The following SLC24A2 variants were observed in gnomAD, a reference collection of about 807,000 sequenced individuals.
SLC24A2 encodes sodium/potassium/calcium exchanger 2.
Under a neutral mutation model 62.0 loss-of-function variants are expected in SLC24A2, and 36 were observed. The ratio of observed to expected loss-of-function variants is 0.58; its 90% CI spans 0.44 to 0.77. SLC24A2 has a LOEUF of 0.77. Ranked by LOEUF, SLC24A2 falls within the 30% of genes least tolerant of loss-of-function variation. The probability of loss-of-function intolerance (pLI) is 0.00; values close to 1 mark genes in which losing one functional copy is unlikely to be tolerated. For missense variants in SLC24A2, 846 were observed against 817.9 expected, an observed-to-expected ratio of 1.03 and a Z score of -0.42; for synonymous variants, 358 against 294.0, an observed-to-expected ratio of 1.22 and a Z score of -2.23.
chr9:20,202,024 T>C, the SLC24A2 span, among the ~76,000 whole-genome samples: 1 of 151,956 alleles, frequency 6.6e-6, no homozygotes, highest in Middle Eastern at 3.4e-3. Flanking sequence ...CCAGAATCTT[T>C]TTCTAGCCAG....
At chr9:19,815,200 A>G in the SLC24A2 span, among the ~76,000 whole-genome samples, 2 of 152,176 alleles carry the variant, frequency 1.3e-5, no homozygotes, top group African/African-American at 4.8e-5. Context: ...ATTCAATTTT[A>G]TGGGAATAAT....
the SLC24A2 span, among the ~76,000 whole-genome samples, chr9:20,000,755 C>G: frequency 6.6e-6 from 1 of 152,098 alleles, no homozygotes; most frequent in African/African-American, 2.4e-5. Flanking sequence ...AGCATAAAGA[C>G]AGGAAATATA....
At chr9:19,560,741 A>C (rs1300337222) in intron 7 of SLC24A2, among the ~76,000 whole-genome samples, 1 of 152,162 alleles carries the variant, frequency 6.6e-6, no homozygotes, top group East Asian at 1.9e-4. Context: ...CTCATTTTTG[A>C]ATAGATCTTT....
chr9:19,626,863 T>C (rs2117951572), intron 2 of SLC24A2, among the ~76,000 whole-genome samples: 1 of 152,250 alleles, frequency 6.6e-6, no homozygotes, highest in Middle Eastern at 3.4e-3. Context: ...CCTCAAAGCC[T>C]ATTGGGAAGA....
intron 6 of SLC24A2, 54 bp downstream of exon 6, chr9:19,576,870 G>A: frequency 1.5e-6 from 2 of 1,355,152 alleles, no homozygotes; most frequent in South Asian, 1.2e-5. Context: ...CTGACTCTCT[G>A]CTCCCCTCGC....
At chr9:20,102,710 C>A in the SLC24A2 span, among the ~76,000 whole-genome samples, 2 of 150,444 alleles carry the variant, frequency 1.3e-5, no homozygotes, top group Admixed American at 6.6e-5. Flanking sequence ...ATAAATAAGA[C>A]TGGCAGCCAA....
the SLC24A2 span, among the ~76,000 whole-genome samples, chr9:20,223,172 T>TG: frequency 6.6e-6 from 1 of 152,018 alleles, no homozygotes; most frequent in East Asian, 1.9e-4. Context: ...AAAAGACACC[T>TG]GGGGTAAATC....
chr9:19,661,485 G>A (rs997178500), intron 2 of SLC24A2, among the ~76,000 whole-genome samples: 7 of 151,134 alleles, frequency 4.6e-5, no homozygotes, highest in Admixed American at 3.3e-4. Flanking sequence ...CACGTCCAGG[G>A]ATATCCTTCT....
At chr9:20,195,761 A>C in the SLC24A2 span, among the ~76,000 whole-genome samples, 3 of 152,128 alleles carry the variant, frequency 2.0e-5, no homozygotes, top group African/African-American at 7.2e-5. Context: ...CTCTGAAGCA[A>C]AATTAATTTC....
the SLC24A2 span, among the ~76,000 whole-genome samples, chr9:20,198,895 T>C: frequency 6.6e-6 from 1 of 152,220 alleles, no homozygotes; most frequent in Non-Finnish European, 1.5e-5. Context: ...GGGCACATTC[T>C]TGGAGTTTCA....
At chr9:20,307,023 C>A in the SLC24A2 span, among the ~76,000 whole-genome samples, 1 of 152,172 alleles carries the variant, frequency 6.6e-6, no homozygotes, top group East Asian at 1.9e-4. Context: ...ATCACCCTCA[C>A]AACTTCTACC....
At chr9:20,135,372 A>ATTACAATTTAAAATTTTAATTTTTAG in the SLC24A2 span, among the ~76,000 whole-genome samples, 1 of 116,778 alleles carries the variant, frequency 8.6e-6, no homozygotes, top group African/African-American at 3.5e-5. Context: ...TTAATTTTTA[A>ATTACAATTTAAAATTTTAATTTTTAG]TTACAATTTA....
chr9:19,647,982 A>G (rs1818691774), intron 2 of SLC24A2, among the ~76,000 whole-genome samples: 1 of 152,206 alleles, frequency 6.6e-6, no homozygotes, highest in African/African-American at 2.4e-5. Context: ...GGGAACATGT[A>G]TGGAAGGCAA....
intron 2 of SLC24A2, among the ~76,000 whole-genome samples, chr9:19,677,446 AGGAG>A (rs928776905): frequency 2.0e-5 from 3 of 152,198 alleles, no homozygotes; most frequent in African/African-American, 7.2e-5. Flanking sequence ...GGAGGGCAGA[AGGAG>A]GTAGAGTATT....
At chr9:20,002,850 G>C in the SLC24A2 span, among the ~76,000 whole-genome samples, 1 of 152,204 alleles carries the variant, frequency 6.6e-6, no homozygotes. Flanking sequence ...CCACATAACA[G>C]GGTTTTTCTT....
intron 7 of SLC24A2, among the ~76,000 whole-genome samples, chr9:19,559,030 A>C (rs577266528): frequency 3.9e-5 from 6 of 152,242 alleles, no homozygotes; most frequent in Non-Finnish European, 5.9e-5. Context: ...GCTGTCTTAA[A>C]TACCCATTCT....
chr9:20,019,231 G>GAC, the SLC24A2 span, among the ~76,000 whole-genome samples: 1 of 134,578 alleles, frequency 7.4e-6, no homozygotes, highest in East Asian at 2.1e-4. Flanking sequence ...CAGAAAGAAA[G>GAC]AAAGAAAAAG....
chr9:19,837,921 T>A, the SLC24A2 span, among the ~76,000 whole-genome samples: 1 of 151,382 alleles, frequency 6.6e-6, no homozygotes, highest in East Asian at 1.9e-4. Flanking sequence ...ATAAAAGAGG[T>A]TACAAACAAA....
At chr9:19,536,267 T>A (rs1328200454) in intron 8 of SLC24A2, among the ~76,000 whole-genome samples, 1 of 151,128 alleles carries the variant, frequency 6.6e-6, no homozygotes, top group Non-Finnish European at 1.5e-5. Context: ...TAGTTACATA[T>A]GTATACATGT....
Sources: allele counts gnomAD v4.1 joint callset (sites outside exome capture counted in the v4.1 genomes callset), GRCh38; gene constraint gnomAD v4.1.1; transcripts MANE v1.5; gene names NCBI Gene and HGNC (gene_info 2026-07-23, HGNC 2026-07-21).